HSD17B3: variants seen among roughly 807,000 people sequenced by gnomAD.
HSD17B3 encodes hydroxysteroid 17-beta dehydrogenase 3.
A neutral mutation model predicts 41.1 loss-of-function variants in HSD17B3; 29 were observed. That is an observed-to-expected ratio of 0.71 (90% CI 0.53 to 0.96). The LOEUF is 0.96. Among genes scored for constraint, HSD17B3 ranks in the 40% least tolerant of loss-of-function variants. The pLI is 0.00. For synonymous variants in HSD17B3, 126 were observed against 145.6 expected (o/e 0.87, Z 0.97); for missense variants, 323 against 374.6 (o/e 0.86, Z 1.14).
intron 6 of HSD17B3, among the ~76,000 whole-genome samples, chr9:96,247,802 T>C (rs994534235): frequency 5.3e-5 from 8 of 152,114 alleles, no homozygotes; most frequent in Non-Finnish European, 1.0e-4. Context: ...AGGCTTCCAA[T>C]GTTCAGTTTC....
Position 96,302,135 on chromosome 9 carries a change from G to T in HSD17B3, c.-31C>A, listed in dbSNP as rs1425177924. On this transcript the variant is annotated 5_prime_UTR_variant, in exon 1 of 11. Coordinates refer to ENST00000375263, the MANE Select transcript of HSD17B3 (RefSeq NM_000197.2). ...CACTCAACAGACTGTTTCAGCCCTG[G>T]CCGTGGCTCTCTGTGTATGCCTCCT... 1.2e-6 allele frequency: 2 copies of T among 1,611,186 alleles called. No individual in the cohort carries two copies. The highest frequency in any genetic ancestry group is 3.3e-5 in the Admixed American group (2 of 59,736).
At chr9:96,237,492 G>A (rs1836277807) in intron 10 of HSD17B3, among the ~76,000 whole-genome samples, 1 of 152,182 alleles carries the variant, frequency 6.6e-6, no homozygotes, top group African/African-American at 2.4e-5. Flanking sequence ...CATGCATGAA[G>A]CCTCCAAGCA....
chr9:96,244,411 A>T lies in HSD17B3; in HGVS notation c.607-17T>A, dbSNP rs1836575350. On this transcript the variant is annotated splice_polypyrimidine_tract_variant and intron_variant, in intron 8 of 10. Coordinates refer to ENST00000375263, the MANE Select transcript of HSD17B3 (RefSeq NM_000197.2). Reference sequence around the variant, plus strand: ...CACAAACGCCTGGAGCAAGAAGGAGAGACACCTGAGGCCCCAGAGTGAGCT... The same window carrying T: ...CACAAACGCCTGGAGCAAGAAGGAGTGACACCTGAGGCCCCAGAGTGAGCT... 6.2e-7 allele frequency: 1 copy of T among 1,613,920 alleles called. No homozygotes were observed. The highest frequency in any genetic ancestry group is 8.5e-7 in the Non-Finnish European group (1 of 1,179,818).
intron 2 of HSD17B3, among the ~76,000 whole-genome samples, chr9:96,265,480 A>G (rs1393787678): frequency 1.3e-5 from 2 of 152,260 alleles, no homozygotes; most frequent in Non-Finnish European, 2.9e-5. Flanking sequence ...TGGCCACAAC[A>G]GTTATACTAT....
At chr9:96,290,318 T>C (rs994867608) in intron 2 of HSD17B3, among the ~76,000 whole-genome samples, 1 of 151,894 alleles carries the variant, frequency 6.6e-6, no homozygotes, top group African/African-American at 2.4e-5. Flanking sequence ...AGAAGTGCTT[T>C]CCCTATTCCC....
intron 1 of HSD17B3, among the ~76,000 whole-genome samples, chr9:96,301,201 T>TC (rs1402084932): frequency 6.6e-6 from 1 of 151,754 alleles, no homozygotes; most frequent in Non-Finnish European, 1.5e-5. Context: ...ACTTTTCTAA[T>TC]CCCCCCAATT....
intron 2 of HSD17B3, among the ~76,000 whole-genome samples, chr9:96,255,920 A>T (rs1825635661): frequency 6.6e-6 from 1 of 152,210 alleles, no homozygotes; most frequent in Non-Finnish European, 1.5e-5. Flanking sequence ...TGCGTGCTTC[A>T]CACAGAGCAG....
intron 2 of HSD17B3, among the ~76,000 whole-genome samples, chr9:96,267,311 C>G (rs7045594): frequency 0.044 from 6,626 of 152,002 alleles, 496 homozygotes; most frequent in African/African-American, 0.15. Context: ...CACATGCCAC[C>G]ACGGCCAGCT....
At chr9:96,290,828 G>C (rs1295664135) in intron 2 of HSD17B3, among the ~76,000 whole-genome samples, 3 of 151,580 alleles carry the variant, frequency 2.0e-5, no homozygotes, top group Non-Finnish European at 4.4e-5. Flanking sequence ...AGTGAGACCG[G>C]GCAAAAGAAC....
chr9:96,268,394 T>C (rs1486827622), intron 2 of HSD17B3, among the ~76,000 whole-genome samples: 1 of 152,140 alleles, frequency 6.6e-6, no homozygotes, highest in African/African-American at 2.4e-5. Context: ...GAAAGGGATA[T>C]ATTTCTATAA....
At chr9:96,257,923 C>A (rs1018270681) in intron 2 of HSD17B3, among the ~76,000 whole-genome samples, 4 of 152,170 alleles carry the variant, frequency 2.6e-5, no homozygotes, top group Non-Finnish European at 4.4e-5. Context: ...CTCGGCCTCC[C>A]AAAGTGCCAG....
intron 2 of HSD17B3, among the ~76,000 whole-genome samples, chr9:96,261,875 G>A (rs540478266): frequency 6.6e-6 from 1 of 152,348 alleles, no homozygotes; most frequent in East Asian, 1.9e-4. Context: ...TCCGATGGCA[G>A]TGATGTCCAA....
chr9:96,265,984 C>G (rs1405357569), intron 2 of HSD17B3, among the ~76,000 whole-genome samples: 1 of 152,114 alleles, frequency 6.6e-6, no homozygotes, highest in Non-Finnish European at 1.5e-5. Context: ...AAAGTTGGCT[C>G]TTTGAAAACA....
At chr9:96,250,887 C>CAAAA (rs34131940) in intron 5 of HSD17B3, among the ~76,000 whole-genome samples, 4 of 115,326 alleles carry the variant, frequency 3.5e-5, no homozygotes, top group Non-Finnish European at 3.6e-5. Context: ...GACTCCATCT[C>CAAAA]AAAAAAAAAA....
intron 2 of HSD17B3, among the ~76,000 whole-genome samples, chr9:96,265,297 TA>T (rs1826011569): frequency 6.6e-6 from 1 of 152,274 alleles, no homozygotes; most frequent in African/African-American, 2.4e-5. Context: ...ACTAACTATA[TA>T]AATCCCTATT....
intron 2 of HSD17B3, among the ~76,000 whole-genome samples, chr9:96,256,842 G>C (rs1479622302): frequency 1.3e-5 from 2 of 152,050 alleles, no homozygotes; most frequent in African/African-American, 4.8e-5. Context: ...GTCTGATATG[G>C]TTTGGATCTC....
rs190064178 is a variant in HSD17B3 at position 96,271,836 on chromosome 9, T to C, written c.202-16893A>G. On this transcript the variant is annotated intron_variant, in intron 2 of 10. Transcript: ENST00000375263. The stretch of plus-strand genomic sequence containing the variant: ...TTTTTCTTACTTTTTCTGAAAGGAA[T>C]GGTTTTTCCTTACCTTTCTGAAAGG... Among the ~76,000 whole-genome samples the C allele has an allele frequency of 2.7e-3, 413 of 152,294 alleles. 1 individual carries two copies. Among genetic ancestry groups the C allele is most frequent in the Non-Finnish European group, 3.8e-3 (256 of 68,022 alleles).
intron 1 of HSD17B3, among the ~76,000 whole-genome samples, chr9:96,300,176 A>T (rs184452647): frequency 6.8e-6 from 1 of 146,170 alleles, no homozygotes; most frequent in East Asian, 2.2e-4. Context: ...AAGTTCAAGC[A>T]AGTTCACTCC....
chr9:96,281,923 A>G (rs1052237291), intron 2 of HSD17B3, among the ~76,000 whole-genome samples: 7 of 152,192 alleles, frequency 4.6e-5, no homozygotes, highest in African/African-American at 1.7e-4. Flanking sequence ...AATGGTAAAA[A>G]TCACTGCTTG....
Sources: allele counts gnomAD v4.1 joint callset (sites outside exome capture counted in the v4.1 genomes callset), GRCh38; gene constraint gnomAD v4.1.1; transcripts MANE v1.5; gene names NCBI Gene and HGNC (gene_info 2026-07-23, HGNC 2026-07-21).